Variants in XRCC4 observed in about 807,000 individuals in gnomAD.
The protein encoded by XRCC4 is DNA repair protein XRCC4.
XRCC4 carries 28 observed loss-of-function variants against 39.1 expected under a neutral mutation model. The observed-to-expected ratio is 0.72, with a 90% CI of 0.53 to 0.98. The LOEUF (loss-of-function observed/expected upper bound fraction) is 0.98, where lower values mean the gene tolerates loss of function less well. Among genes scored for constraint, XRCC4 ranks in the 50% least tolerant of loss-of-function variants. The pLI is 0.00. For missense variants in XRCC4, 350 were observed against 376.4 expected (o/e 0.93, Z 0.58); for synonymous variants, 123 against 126.4 (o/e 0.97, Z 0.18).
At chr5:83,110,633 A>G (rs1746397992) in intron 2 of XRCC4, among the ~76,000 whole-genome samples, 1 of 152,064 alleles carries the variant, frequency 6.6e-6, no homozygotes. Context: ...GAAACACAGT[A>G]TAGGCTATTG....
intron 7 of XRCC4, among the ~76,000 whole-genome samples, chr5:83,321,336 A>G (rs1756066529): frequency 1.3e-5 from 2 of 152,098 alleles, no homozygotes; most frequent in African/African-American, 4.8e-5. Flanking sequence ...TTTCACTTCA[A>G]TTTTTTAGGG....
intron 6 of XRCC4, among the ~76,000 whole-genome samples, chr5:83,256,848 G>T (rs550094428): frequency 6.6e-6 from 1 of 152,010 alleles, no homozygotes; most frequent in Non-Finnish European, 1.5e-5. Flanking sequence ...AAGAATAAAG[G>T]CTTTGTGATT....
intron 7 of XRCC4, among the ~76,000 whole-genome samples, chr5:83,347,937 C>T (rs538861252): frequency 1.6e-4 from 25 of 152,324 alleles, no homozygotes; most frequent in Admixed American, 5.9e-4. Context: ...AAAGGGGCTA[C>T]AGGCCCCATG....
At chr5:83,153,407 C>T (rs1224816943) in intron 3 of XRCC4, among the ~76,000 whole-genome samples, 3 of 151,886 alleles carry the variant, frequency 2.0e-5, no homozygotes, top group African/African-American at 7.3e-5. Flanking sequence ...GGTTTCACCA[C>T]GTTGGCCAGA....
intron 6 of XRCC4, among the ~76,000 whole-genome samples, chr5:83,254,744 A>G (rs757579973): frequency 1.1e-4 from 17 of 152,148 alleles, no homozygotes; most frequent in Non-Finnish European, 1.9e-4. Context: ...GACAATGAAA[A>G]GACCAAACAT....
intron 7 of XRCC4, among the ~76,000 whole-genome samples, chr5:83,344,597 G>A (rs1022400217): frequency 4.6e-5 from 7 of 151,832 alleles, no homozygotes; most frequent in African/African-American, 1.7e-4. Context: ...TCATGTATGT[G>A]TATAACTGTA....
intron 7 of XRCC4, among the ~76,000 whole-genome samples, chr5:83,336,842 C>G (rs1756609156): frequency 6.6e-6 from 1 of 152,086 alleles, no homozygotes; most frequent in African/African-American, 2.4e-5. Flanking sequence ...TGGGATATAA[C>G]TAAGTTAATG....
chr5:83,118,234 A>T (rs7703318), intron 3 of XRCC4, among the ~76,000 whole-genome samples: 73,933 of 151,688 alleles, frequency 0.49, 18,805 homozygotes, highest in African/African-American at 0.62. Context: ...AAATAGGCAA[A>T]CCTGGGTTAA....
chr5:83,118,044 C>CA (rs1746819509), intron 3 of XRCC4, among the ~76,000 whole-genome samples: 1 of 118,440 alleles, frequency 8.4e-6, no homozygotes, highest in East Asian at 2.1e-4. Flanking sequence ...ATATACATCT[C>CA]CACACACACA....
At chr5:83,339,007 C>T (rs975802645) in intron 7 of XRCC4, among the ~76,000 whole-genome samples, 1 of 152,116 alleles carries the variant, frequency 6.6e-6, no homozygotes, top group East Asian at 1.9e-4. Context: ...AGGTCTTTCT[C>T]CAGTAATTCT....
intron 6 of XRCC4, among the ~76,000 whole-genome samples, chr5:83,250,190 A>G (rs1753254371): frequency 6.6e-6 from 1 of 152,176 alleles, no homozygotes; most frequent in South Asian, 2.1e-4. Flanking sequence ...CTGAGAACTT[A>G]TTAACCATTT....
At chr5:83,257,800 A>G (rs1237431595) in intron 6 of XRCC4, among the ~76,000 whole-genome samples, 4 of 152,224 alleles carry the variant, frequency 2.6e-5, no homozygotes, top group East Asian at 1.9e-4. Flanking sequence ...ATGCCCATCA[A>G]TGATAGACTG....
chr5:83,141,556 G>A (rs1003666655), intron 3 of XRCC4, among the ~76,000 whole-genome samples: 14 of 151,998 alleles, frequency 9.2e-5, no homozygotes, highest in Admixed American at 3.9e-4. Flanking sequence ...TTCCAATTGC[G>A]AGTGAATTTG....
intron 3 of XRCC4, among the ~76,000 whole-genome samples, chr5:83,186,941 A>ATT (rs770811313): frequency 0.02 from 1,739 of 87,486 alleles, 339 homozygotes; most frequent in East Asian, 0.12. Flanking sequence ...TGCTTCTTCC[A>ATT]TTTTTTTTTT....
At chr5:83,303,081 C>T (rs529354307) in intron 7 of XRCC4, among the ~76,000 whole-genome samples, 2 of 152,134 alleles carry the variant, frequency 1.3e-5, no homozygotes, top group African/African-American at 4.8e-5. Context: ...GGTGTGGTGG[C>T]ACAAGCCTGT....
At chr5:83,091,895 A>G (rs1745445132) in intron 1 of XRCC4, among the ~76,000 whole-genome samples, 2 of 152,174 alleles carry the variant, frequency 1.3e-5, no homozygotes, top group African/African-American at 4.8e-5. Flanking sequence ...GGATTGCTGG[A>G]TCATATAGTA....
chr5:83,124,422 A>G (rs1285771536), intron 3 of XRCC4, among the ~76,000 whole-genome samples: 1 of 152,138 alleles, frequency 6.6e-6, no homozygotes, highest in Non-Finnish European at 1.5e-5. Context: ...TTTGAGATCC[A>G]CCAAATCGTT....
At chr5:83,361,625 T>C in the XRCC4 span, among the ~76,000 whole-genome samples, 1 of 147,116 alleles carries the variant, frequency 6.8e-6, no homozygotes, top group Non-Finnish European at 1.5e-5. Context: ...TTATTTTTCT[T>C]TTTTTTTTTT....
At chr5:83,164,051 T>G (rs1042535119) in intron 3 of XRCC4, among the ~76,000 whole-genome samples, 6 of 152,118 alleles carry the variant, frequency 3.9e-5, no homozygotes, top group Admixed American at 6.6e-5. Flanking sequence ...CATTAAGATT[T>G]TTAAGTAAAA....
Sources: gnomAD v4.1 joint callset for allele counts (sites outside exome capture counted in the v4.1 genomes callset) on GRCh38, gnomAD v4.1.1 for gene constraint, MANE v1.5 for transcripts, NCBI Gene and HGNC (gene_info 2026-07-23, HGNC 2026-07-21) for gene names.